The following CLEC12A variants were observed in gnomAD, a reference collection of about 807,000 sequenced individuals.
CLEC12A encodes C-type lectin protein CLL-1.
A neutral mutation model predicts 26.5 loss-of-function variants in CLEC12A; 22 were observed. The ratio of observed to expected loss-of-function variants is 0.83; its 90% CI spans 0.59 to 1.19. The LOEUF is 1.19. Among genes scored for constraint, CLEC12A ranks in the 50% most tolerant of loss-of-function variants. The pLI is 0.00. For synonymous variants in CLEC12A, 119 were observed against 101.9 expected, an observed-to-expected ratio of 1.17 and a Z score of -1.01; for missense variants, 353 against 315.6, an observed-to-expected ratio of 1.12 and a Z score of -0.90.
chr12:9,954,205 T>TAA (rs35173002), intron 1 of CLEC12A, among the ~76,000 whole-genome samples: 695 of 64,428 alleles, frequency 0.011, 39 homozygotes, highest in African/African-American at 0.033. Context: ...GAATTATCAA[T>TAA]AAAAAAAAAA....
At position 9,982,263 on chromosome 12, in the gene CLEC12A, T is replaced by C. The variant is rs1368788028; in HGVS notation, c.641+134T>C. ...TAAAAGAACCCTTTTCTATCATGCT[T>C]CTTTGATGTATTTTCTAATACATAA... On this transcript the variant is annotated intron_variant, in intron 5 of 5. Coordinates refer to ENST00000304361, the MANE Select transcript of CLEC12A (RefSeq NM_138337.6). 6.8e-6 allele frequency: 4 copies of C among 588,784 alleles called. No homozygotes were observed. The African/African-American group carries it at 7.9e-5, about 12-fold the overall frequency. The allele number at this position is 588,784 out of a possible 1,614,324, so 36.5% of individuals were successfully genotyped here. A position where few individuals can be genotyped will look rare whatever the true frequency, so the allele number is the denominator to read the frequency against.
At chr12:10,001,956 TG>T in the CLEC12A span, among the ~76,000 whole-genome samples, 1 of 150,308 alleles carries the variant, frequency 6.7e-6, no homozygotes, top group Admixed American at 6.7e-5. Flanking sequence ...CTTGGCTCAC[TG>T]CAAGCTCCGC....
intron 1 of CLEC12A, among the ~76,000 whole-genome samples, chr12:9,960,753 A>G (rs1034320982): frequency 6.6e-6 from 1 of 152,134 alleles, no homozygotes; most frequent in African/African-American, 2.4e-5. Context: ...TTAAAACTTG[A>G]AACTTGTTTG....
chr12:9,967,218 G>T (rs1282689047), upstream of CLEC12A, among the ~76,000 whole-genome samples: 1 of 151,978 alleles, frequency 6.6e-6, no homozygotes, highest in Non-Finnish European at 1.5e-5. Context: ...TTGGGACTGA[G>T]GGGACAGGCG....
At chr12:10,001,217 G>C in the CLEC12A span, among the ~76,000 whole-genome samples, 1 of 152,160 alleles carries the variant, frequency 6.6e-6, no homozygotes, top group Non-Finnish European at 1.5e-5. Flanking sequence ...TCTAGGACTT[G>C]AGCAGCTGAT....
In CLEC12A at chr12:9,960,892, T is replaced by C. The variant is rs548052605; in HGVS notation, c.10+9536T>C. ...TGATTTTTTCCCTACCTCTGCCTAA[T>C]TTCTATTTTTCCCCTGTCCACGTAG... On this transcript the variant is annotated intron_variant, in intron 1 of 6. Coordinates refer to the CLEC12A transcript ENST00000355690. Among the ~76,000 whole-genome samples, 3 of 152,306 alleles carry C rather than the reference T, an allele frequency of 2.0e-5. No homozygotes were observed. In the South Asian group the frequency reaches 6.2e-4, roughly 32 times the overall value.
intron 1 of CLEC12A, among the ~76,000 whole-genome samples, chr12:9,976,928 C>G (rs1206896305): frequency 6.6e-6 from 1 of 152,142 alleles, no homozygotes; most frequent in Non-Finnish European, 1.5e-5. Flanking sequence ...CTTCTCTTGT[C>G]TGCTGCCATA....
At chr12:9,980,935 T>C (rs1864534657) in intron 4 of CLEC12A, among the ~76,000 whole-genome samples, 1 of 152,184 alleles carries the variant, frequency 6.6e-6, no homozygotes, top group African/African-American at 2.4e-5. Flanking sequence ...TATTACTAGC[T>C]GACAGGTAGA....
At chr12:9,982,271 G>T (rs1248463504) in intron 5 of CLEC12A, 142 bp downstream of exon 5, 6 of 579,414 alleles carry the variant, frequency 1.0e-5, no homozygotes, top group Non-Finnish European at 1.8e-5. Context: ...CTTCTTTGAT[G>T]TATTTTCTAA....
intron 1 of CLEC12A, among the ~76,000 whole-genome samples, chr12:9,964,797 T>A (rs193064558): frequency 1.8e-4 from 27 of 152,140 alleles, no homozygotes; most frequent in Non-Finnish European, 2.8e-4. Flanking sequence ...GTGTGGCGAT[T>A]AGGCCTGGTG....
At chr12:9,988,745 A>G (rs994270863), downstream of CLEC12A, among the ~76,000 whole-genome samples, 1 of 152,224 alleles carries the variant, frequency 6.6e-6, no homozygotes, top group African/African-American at 2.4e-5. Context: ...GAGAAATAGG[A>G]ACACTTTTAC....
chr12:9,952,194 C>T (rs1415591153), intron 1 of CLEC12A: 1 of 114,300 alleles, frequency 8.7e-6, no homozygotes, highest in South Asian at 3.1e-4. Flanking sequence ...TCTCCCTCTC[C>T]GTCTCCCTCT....
chr12:9,988,260 C>A (rs1198762035), downstream of CLEC12A, among the ~76,000 whole-genome samples: 2 of 152,078 alleles, frequency 1.3e-5, no homozygotes, highest in Non-Finnish European at 2.9e-5. Context: ...CCATAAAAAT[C>A]CTAGAAGAAA....
At chr12:9,976,793 G>A (rs1864353921) in intron 1 of CLEC12A, among the ~76,000 whole-genome samples, 1 of 152,140 alleles carries the variant, frequency 6.6e-6, no homozygotes, top group Non-Finnish European at 1.5e-5. Context: ...TGTTGTTGGA[G>A]GGACCTCGTG....
rs375771982 is a variant in CLEC12A at position 9,980,658 on chromosome 12, A to G, written c.456A>G (p.Gln152=). The G allele has an allele frequency of 1.2e-6, 2 of 1,613,962 alleles. No homozygotes were observed. The highest frequency in any genetic ancestry group is 1.7e-6 in the Non-Finnish European group (2 of 1,179,884). ...GTTATTTCCTAAGTGATGATGTCCA[A>G]ACATGGCAGGAGAGTAAAATGGCCT... ...DSCYFLSDDV[Q]TWQESKMACA... The change falls in exon 4 of 6, where the codon CAA becomes CAG. Residue 152 remains glutamine, a synonymous_variant. Transcript: ENST00000304361.
intron 1 of CLEC12A, among the ~76,000 whole-genome samples, chr12:9,958,306 AT>A (rs1863775366): frequency 6.6e-6 from 1 of 152,218 alleles, no homozygotes; most frequent in South Asian, 2.1e-4. Context: ...ATGGGTACAT[AT>A]AATCCGGGCA....
upstream of CLEC12A, among the ~76,000 whole-genome samples, chr12:9,968,362 AAAGAGAGTCAGCG>A (rs1864015841): frequency 6.8e-6 from 1 of 146,280 alleles, no homozygotes; most frequent in South Asian, 2.3e-4. Flanking sequence ...CTGAGTCTGC[AAAGAGAGTCAGCG>A]AAGGGAGATG....
downstream of CLEC12A, among the ~76,000 whole-genome samples, chr12:9,989,927 G>C (rs1271463031): frequency 6.6e-6 from 1 of 151,952 alleles, no homozygotes; most frequent in African/African-American, 2.4e-5. Context: ...TATGCTAAAT[G>C]TACCTGCCAA....
chr12:9,964,432 G>A (rs928305513), intron 1 of CLEC12A, among the ~76,000 whole-genome samples: 1 of 152,158 alleles, frequency 6.6e-6, no homozygotes, highest in African/African-American at 2.4e-5. Flanking sequence ...TAGTGTGGTG[G>A]AGATAGCTGG....
Sources: allele counts gnomAD v4.1 joint callset (sites outside exome capture counted in the v4.1 genomes callset), GRCh38; gene constraint gnomAD v4.1.1; transcripts MANE v1.5; gene names NCBI Gene and HGNC (gene_info 2026-07-23, HGNC 2026-07-21).